CCDC38: variants seen among roughly 807,000 people sequenced by gnomAD.
CCDC38 encodes the protein coiled-coil domain-containing protein 38.
In CCDC38, 69 loss-of-function variants were observed where a neutral mutation model predicts 72.8. That is an observed-to-expected ratio of 0.95 (90% CI 0.78 to 1.16). The LOEUF is 1.16. Among genes scored for constraint, CCDC38 ranks in the 50% most tolerant of loss-of-function variants. CCDC38 has a pLI of 0.00. For synonymous variants in CCDC38, 201 were observed against 213.2 expected, an observed-to-expected ratio of 0.94 and a Z score of 0.50; for missense variants, 626 against 638.9, an observed-to-expected ratio of 0.98 and a Z score of 0.22.
chr12:95,929,763 C>T (rs1466173335), intron 2 of CCDC38, among the ~76,000 whole-genome samples: 1 of 152,116 alleles, frequency 6.6e-6, no homozygotes, highest in Admixed American at 6.5e-5. Context: ...AATAAGATAT[C>T]ACAAAATTGG....
At chr12:95,887,086 G>T (rs1413723952) in intron 10 of CCDC38, among the ~76,000 whole-genome samples, 1 of 151,984 alleles carries the variant, frequency 6.6e-6, no homozygotes, top group Admixed American at 6.6e-5. Context: ...TCAGGAAGCT[G>T]AGACAAGAGA....
At chr12:95,916,191 T>G (rs918374950) in intron 4 of CCDC38, among the ~76,000 whole-genome samples, 1 of 152,216 alleles carries the variant, frequency 6.6e-6, no homozygotes, top group African/African-American at 2.4e-5. Context: ...TTGCTGCTTT[T>G]ACATACAATT....
intron 4 of CCDC38, among the ~76,000 whole-genome samples, chr12:95,913,907 C>A (rs1428143693): frequency 6.6e-6 from 1 of 151,672 alleles, no homozygotes; most frequent in Non-Finnish European, 1.5e-5. Context: ...TGACAGACTC[C>A]GTGAGCCACG....
chr12:95,904,429 A>G (rs1479733474), intron 5 of CCDC38, among the ~76,000 whole-genome samples: 1 of 152,236 alleles, frequency 6.6e-6, no homozygotes, highest in African/African-American at 2.4e-5. Context: ...GGACTCACAA[A>G]CTCACTGAAA....
At chr12:95,902,569 T>A (rs2079961035) in intron 5 of CCDC38, among the ~76,000 whole-genome samples, 1 of 152,220 alleles carries the variant, frequency 6.6e-6, no homozygotes, top group Non-Finnish European at 1.5e-5. Context: ...TTTTTATTGC[T>A]GAGTAGTAAT....
Position 95,867,110 on chromosome 12 carries a change from G to A in CCDC38, c.1658C>T (p.Thr553Ile). Residue 553 changes from threonine (T) to isoleucine (I), a missense_variant, in exon 16 of 16, where the codon ACA (threonine) becomes ATA (isoleucine). Thr to Ile is a moderately conservative substitution (Grantham distance 89). Transcript: ENST00000344280. ...QQLPLVNETK[T>I]KSQEEEYFFT ...AAAATATTCTTCCTCTTGTGATTTT[G>A]TTTTTGTTTCATTGACTAAAGGTAG... 6.2e-7 allele frequency: 1 copy of A among 1,603,010 alleles called. No individual in the cohort carries two copies.
intron 7 of CCDC38, 62 bp downstream of exon 7, chr12:95,898,323 G>T: frequency 5.5e-6 from 8 of 1,461,042 alleles, no homozygotes; most frequent in Non-Finnish European, 6.7e-6. Context: ...GTCTTACCTG[G>T]CATGAATAGG....
At chr12:95,907,463 C>A (rs2080020904) in intron 4 of CCDC38, among the ~76,000 whole-genome samples, 1 of 118,790 alleles carries the variant, frequency 8.4e-6, no homozygotes. Context: ...CTGACCCCCC[C>A]ACCTCCCTCC....
In CCDC38 at chr12:95,917,866, C is replaced by CAAA. The variant is rs34424423; in HGVS notation, c.139-575_139-573dup. Among the ~76,000 whole-genome samples the CAAA allele has an allele frequency of 1.3e-3, 125 of 99,144 alleles. No individual in the cohort carries two copies. In the South Asian group the frequency reaches 0.015, roughly 12 times the overall value. The allele number at this position is 99,144 out of a possible 152,430, so 65.0% of individuals were successfully genotyped here. A position where few individuals can be genotyped will look rare whatever the true frequency, so the allele number is the denominator to read the frequency against. On this transcript the variant is annotated intron_variant, in intron 3 of 15. Coordinates refer to ENST00000344280, the MANE Select transcript of CCDC38 (RefSeq NM_182496.3). ...AGCCTGGGTGACAGAGCAAGACTGT[C>CAAA]AAAAAAAAAAAAAAAAAGGAAATTC...
intron 13 of CCDC38, among the ~76,000 whole-genome samples, 164 bp downstream of exon 13, chr12:95,878,047 T>C (rs2079654446): frequency 6.6e-6 from 1 of 152,256 alleles, no homozygotes; most frequent in South Asian, 2.1e-4. Flanking sequence ...GTAAATTGGC[T>C]ATTACATAAT....
At chr12:95,886,388 C>A (rs1206972951) in intron 10 of CCDC38, among the ~76,000 whole-genome samples, 1 of 152,112 alleles carries the variant, frequency 6.6e-6, no homozygotes, top group Non-Finnish European at 1.5e-5. Context: ...GGAAAAAAAT[C>A]TTTGAGTCTA....
chr12:95,915,709 T>G (rs1168907125), intron 4 of CCDC38, among the ~76,000 whole-genome samples: 1 of 152,216 alleles, frequency 6.6e-6, no homozygotes, highest in Non-Finnish European at 1.5e-5. Context: ...TTCTATATTT[T>G]AAGTTAAAAT....
At chr12:95,936,626 T>A in intron 1 of CCDC38, 103 bp from the exon 2 acceptor site, 1 of 832,578 alleles carries the variant, frequency 1.2e-6, no homozygotes, top group Non-Finnish European at 1.9e-6. Flanking sequence ...TTATGGCTTT[T>A]AAAAGCAGTG....
At chr12:95,927,615 T>C (rs2080287030) in intron 2 of CCDC38, among the ~76,000 whole-genome samples, 1 of 152,238 alleles carries the variant, frequency 6.6e-6, no homozygotes, top group African/African-American at 2.4e-5. Flanking sequence ...CGTTAGTTCA[T>C]GCAGTTTCTT....
At chr12:95,881,637 G>T in intron 10 of CCDC38, 83 bp from the exon 11 acceptor site, 2 of 1,048,402 alleles carry the variant, frequency 1.9e-6, no homozygotes, top group Non-Finnish European at 2.9e-6. Flanking sequence ...CTAAATTGTC[G>T]TTGGAACCCA....
intron 2 of CCDC38, among the ~76,000 whole-genome samples, chr12:95,923,694 C>T (rs925483968): frequency 4.6e-5 from 7 of 152,094 alleles, no homozygotes; most frequent in Non-Finnish European, 8.8e-5. Flanking sequence ...CCTCCCCACT[C>T]CCCCCACTCC....
intron 13 of CCDC38, among the ~76,000 whole-genome samples, chr12:95,873,454 T>C (rs1042228351): frequency 6.6e-6 from 1 of 152,200 alleles, no homozygotes; most frequent in Non-Finnish European, 1.5e-5. Flanking sequence ...AGTATTCTAG[T>C]CTAAACAAAA....
chr12:95,878,313 T>A lies in CCDC38; in HGVS notation c.1176A>T (p.Glu392Asp), dbSNP rs1274142450. 1 of 1,613,342 alleles carries A rather than the reference T, an allele frequency of 6.2e-7. No homozygotes were observed. The highest frequency in any genetic ancestry group is 8.5e-7 in the Non-Finnish European group (1 of 1,179,750). Reference protein sequence around the residue: ...NSNIEFLLEQEKMLKANCVRE... With the variant: ...NSNIEFLLEQDKMLKANCVRE... ...TCACACAGTTAGCTTTAAGCATTTT[T>A]TCTTGCTCCAAAAGAAACTCTATGT... Residue 392 changes from glutamate (E) to aspartate (D), a missense_variant, in exon 13 of 16, where the codon GAA becomes GAT. Coordinates refer to ENST00000344280, the MANE Select transcript of CCDC38 (RefSeq NM_182496.3).
intron 2 of CCDC38, among the ~76,000 whole-genome samples, chr12:95,936,029 G>A (rs2080389868): frequency 6.6e-6 from 1 of 152,036 alleles, no homozygotes. Context: ...AGTGAACCAA[G>A]ATTGCGCCAA....
Sources: allele counts gnomAD v4.1 joint callset (sites outside exome capture counted in the v4.1 genomes callset), GRCh38; gene constraint gnomAD v4.1.1; transcripts MANE v1.5; gene names NCBI Gene and HGNC (gene_info 2026-07-23, HGNC 2026-07-21).